Variants in TNFSF4 observed in about 807,000 individuals in gnomAD.
TNFSF4 encodes the protein tumor necrosis factor ligand superfamily member 4.
A neutral mutation model predicts 7.3 loss-of-function variants in TNFSF4; 4 were observed. That is an observed-to-expected ratio of 0.55 (90% CI 0.27 to 1.25). TNFSF4 has a LOEUF of 1.25. Among genes scored for constraint, TNFSF4 ranks in the 50% most tolerant of loss-of-function variants. TNFSF4 has a pLI of 0.12. For synonymous variants in TNFSF4, 76 were observed against 83.7 expected (o/e 0.91, Z 0.50); for missense variants, 181 against 208.8 (o/e 0.87, Z 0.82).
the TNFSF4 span, among the ~76,000 whole-genome samples, chr1:173,379,700 CCGCAG>C: frequency 6.6e-6 from 1 of 152,208 alleles, no homozygotes; most frequent in Admixed American, 6.5e-5. Flanking sequence ...CAGAGAAAGG[CCGCAG>C]CCTTAGTCAT....
downstream of TNFSF4, among the ~76,000 whole-genome samples, chr1:173,182,925 G>A (rs1359193893): frequency 6.6e-6 from 1 of 152,188 alleles, no homozygotes; most frequent in African/African-American, 2.4e-5. Context: ...GAGGGAAGCT[G>A]CCACTCTGTT....
chr1:173,379,499 C>T, the TNFSF4 span, among the ~76,000 whole-genome samples: 2 of 152,292 alleles, frequency 1.3e-5, no homozygotes, highest in South Asian at 2.1e-4. Context: ...ACTCCCCTGT[C>T]GCCTGACTCC....
At chr1:173,296,534 CTAAG>C in the TNFSF4 span, among the ~76,000 whole-genome samples, 4 of 151,880 alleles carry the variant, frequency 2.6e-5, no homozygotes, top group African/African-American at 9.7e-5. Flanking sequence ...ATCATTTACT[CTAAG>C]TAATGTAAGG....
the TNFSF4 span, among the ~76,000 whole-genome samples, chr1:173,336,684 C>T: frequency 6.6e-6 from 1 of 152,034 alleles, no homozygotes; most frequent in Non-Finnish European, 1.5e-5. Context: ...GACATTATGC[C>T]AATTGGAACT....
At chr1:173,423,528 C>T in the TNFSF4 span, among the ~76,000 whole-genome samples, 231 of 152,260 alleles carry the variant, frequency 1.5e-3, 1 homozygote, top group African/African-American at 5.4e-3. Context: ...GTGTGGATGC[C>T]TTGTGACCAC....
the TNFSF4 span, among the ~76,000 whole-genome samples, chr1:173,367,991 A>G: frequency 0.1 from 15,617 of 152,090 alleles, 942 homozygotes; most frequent in Middle Eastern, 0.16. Flanking sequence ...ACCAATCAGC[A>G]CTCTGTAGCT....
the TNFSF4 span, among the ~76,000 whole-genome samples, chr1:173,311,355 ATAAGT>A: frequency 1.3e-5 from 2 of 152,106 alleles, no homozygotes; most frequent in Non-Finnish European, 1.5e-5. Flanking sequence ...GGATTTGCTA[ATAAGT>A]TAAGAGAATG....
the TNFSF4 span, among the ~76,000 whole-genome samples, chr1:173,253,493 A>G: frequency 6.6e-6 from 1 of 152,186 alleles, no homozygotes; most frequent in Non-Finnish European, 1.5e-5. Context: ...AAGGGGAGTA[A>G]TGAAGAAGAC....
chr1:173,337,310 T>C, the TNFSF4 span, among the ~76,000 whole-genome samples: 3 of 152,010 alleles, frequency 2.0e-5, 1 homozygote, highest in Non-Finnish European at 1.5e-5. Flanking sequence ...AAATCTAAGA[T>C]CCCCATCATG....
the TNFSF4 span, among the ~76,000 whole-genome samples, chr1:173,285,100 T>C: frequency 1.3e-5 from 2 of 152,314 alleles, no homozygotes; most frequent in East Asian, 3.9e-4. Context: ...GATTCTTGTT[T>C]GGAGGTTAAA....
chr1:173,417,269 C>G, the TNFSF4 span, among the ~76,000 whole-genome samples: 1 of 152,186 alleles, frequency 6.6e-6, no homozygotes, highest in South Asian at 2.1e-4. Flanking sequence ...GCTTCCTTAT[C>G]TGGGATGTGG....
At chr1:173,431,312 C>T in the TNFSF4 span, among the ~76,000 whole-genome samples, 1 of 152,170 alleles carries the variant, frequency 6.6e-6, no homozygotes, top group Non-Finnish European at 1.5e-5. Context: ...GTGGTTCCTT[C>T]CTGATGAAGG....
chr1:173,332,845 CA>C, the TNFSF4 span, among the ~76,000 whole-genome samples: 5 of 152,102 alleles, frequency 3.3e-5, no homozygotes, highest in Non-Finnish European at 7.4e-5. Flanking sequence ...GACTCCATCT[CA>C]AAAAAATAAA....
At chr1:173,315,680 G>A in the TNFSF4 span, among the ~76,000 whole-genome samples, 39 of 152,206 alleles carry the variant, frequency 2.6e-4, no homozygotes, top group Middle Eastern at 3.4e-3. Context: ...CTGACTTTAT[G>A]GAATAATCAA....
the TNFSF4 span, among the ~76,000 whole-genome samples, chr1:173,271,479 A>C: frequency 6.6e-6 from 1 of 151,784 alleles, no homozygotes; most frequent in Non-Finnish European, 1.5e-5. Context: ...AGAATCTACA[A>C]AGAACTTAAA....
the TNFSF4 span, among the ~76,000 whole-genome samples, chr1:173,282,570 T>C: frequency 1.3e-5 from 2 of 152,050 alleles, no homozygotes; most frequent in South Asian, 4.1e-4. Flanking sequence ...GTGATTCTCC[T>C]GCCTTAGCCT....
At chr1:173,370,581 C>A in the TNFSF4 span, among the ~76,000 whole-genome samples, 2 of 151,426 alleles carry the variant, frequency 1.3e-5, no homozygotes, top group Non-Finnish European at 3.0e-5. Context: ...ATATATACTC[C>A]CCTGTCACCT....
the TNFSF4 span, among the ~76,000 whole-genome samples, chr1:173,223,394 T>C: frequency 6.6e-6 from 1 of 152,180 alleles, no homozygotes; most frequent in African/African-American, 2.4e-5. Flanking sequence ...AATTCATTTC[T>C]ATTGCTTACC....
At chr1:173,326,834 A>T in the TNFSF4 span, among the ~76,000 whole-genome samples, 1 of 152,318 alleles carries the variant, frequency 6.6e-6, no homozygotes, top group African/African-American at 2.4e-5. Context: ...CTCTTCAAGG[A>T]GAACTACAAA....
Sources: allele counts gnomAD v4.1 joint callset (sites outside exome capture counted in the v4.1 genomes callset), GRCh38; gene constraint gnomAD v4.1.1; transcripts MANE v1.5; gene names NCBI Gene and HGNC (gene_info 2026-07-23, HGNC 2026-07-21).